Variants in MGAT4C observed in about 807,000 individuals in gnomAD.
The protein encoded by MGAT4C is alpha-1,3-mannosyl-glycoprotein 4-beta-N-acetylglucosaminyltransferase C.
A neutral mutation model predicts 40.1 loss-of-function variants in MGAT4C; 19 were observed. That is an observed-to-expected ratio of 0.47 (90% CI 0.33 to 0.70). The LOEUF is 0.70. MGAT4C is among the 30% of genes least tolerant of loss of function. The probability of loss-of-function intolerance (pLI) is 0.02; values close to 1 mark genes in which losing one functional copy is unlikely to be tolerated. For synonymous variants in MGAT4C, 181 were observed against 187.1 expected (o/e 0.97, Z 0.27); for missense variants, 491 against 563.2 (o/e 0.87, Z 1.30).
At chr12:86,441,719 G>A (rs1300184825) in intron 2 of MGAT4C, among the ~76,000 whole-genome samples, 1 of 151,918 alleles carries the variant, frequency 6.6e-6, no homozygotes, top group African/African-American at 2.4e-5. Flanking sequence ...GTGTATATGT[G>A]CCACATTTTC....
chr12:86,309,885 T>C (rs982298791), intron 4 of MGAT4C, among the ~76,000 whole-genome samples: 5 of 152,138 alleles, frequency 3.3e-5, no homozygotes, highest in Admixed American at 2.0e-4. Context: ...AAATAATTTA[T>C]CTCTCTTGCA....
chr12:86,768,373 C>A (rs1951556910), intron 1 of MGAT4C, among the ~76,000 whole-genome samples: 1 of 152,180 alleles, frequency 6.6e-6, no homozygotes, highest in East Asian at 1.9e-4. Flanking sequence ...AAAGAGGATA[C>A]AAACAAATGG....
At chr12:86,380,657 T>C (rs563190143) in intron 3 of MGAT4C, among the ~76,000 whole-genome samples, 1 of 152,260 alleles carries the variant, frequency 6.6e-6, no homozygotes, top group Non-Finnish European at 1.5e-5. Flanking sequence ...GTGTGTATCA[T>C]TTCATTTAGT....
At chr12:86,160,946 C>G (rs529531401) in intron 1 of MGAT4C, among the ~76,000 whole-genome samples, 1 of 152,086 alleles carries the variant, frequency 6.6e-6, no homozygotes, top group Admixed American at 6.6e-5. Flanking sequence ...TCTACTCTAA[C>G]TTTTAGCCTG....
intron 2 of MGAT4C, among the ~76,000 whole-genome samples, chr12:86,524,123 C>A (rs901473359): frequency 6.6e-6 from 1 of 152,144 alleles, no homozygotes; most frequent in Non-Finnish European, 1.5e-5. Flanking sequence ...GAATTTGATC[C>A]TGTCATCATG....
intron 2 of MGAT4C, among the ~76,000 whole-genome samples, chr12:86,517,989 G>A (rs1431134460): frequency 6.6e-6 from 1 of 152,072 alleles, no homozygotes; most frequent in Non-Finnish European, 1.5e-5. Flanking sequence ...TGGGGTAAAG[G>A]ATAGGGGTCC....
intron 1 of MGAT4C, among the ~76,000 whole-genome samples, chr12:86,134,009 T>G (rs61571841): frequency 0.05 from 7,654 of 152,124 alleles, 504 homozygotes; most frequent in East Asian, 0.28. Context: ...AAAGTTCAAA[T>G]GCTACGTTTG....
intron 4 of MGAT4C, among the ~76,000 whole-genome samples, chr12:86,296,389 G>A (rs1424120434): frequency 6.6e-6 from 1 of 152,186 alleles, no homozygotes; most frequent in African/African-American, 2.4e-5. Context: ...TGCCAGTCCC[G>A]TGCCATGCGC....
rs186320680 is a variant in MGAT4C, at chr12:86,378,488, G to A, written c.-119-44361C>T. Among the ~76,000 whole-genome samples, 137 of 152,198 alleles carry A rather than the reference G, an allele frequency of 9.0e-4. 1 individual carries two copies. Among genetic ancestry groups the A allele is most frequent in the East Asian group, 9.7e-4 (5 of 5,170 alleles). On this transcript the variant is annotated intron_variant, in intron 3 of 7. Coordinates refer to the MGAT4C transcript ENST00000548651. ...ACTTAAAGTTTGTAAATTCATATCC[G>A]TGAGTTTTAGATTTGGTGGAGGAAA...
chr12:86,623,862 C>T (rs1009774791), intron 2 of MGAT4C, among the ~76,000 whole-genome samples: 2 of 152,136 alleles, frequency 1.3e-5, no homozygotes, highest in Non-Finnish European at 2.9e-5. Context: ...CCATTTCTCC[C>T]CAGCTATGTG....
At chr12:86,522,100 C>G (rs1296681424) in intron 2 of MGAT4C, among the ~76,000 whole-genome samples, 1 of 152,110 alleles carries the variant, frequency 6.6e-6, no homozygotes, top group East Asian at 1.9e-4. Context: ...TTATCTCTTT[C>G]TGTTGCCTAA....
At chr12:86,652,292 A>C (rs1963718281) in intron 2 of MGAT4C, among the ~76,000 whole-genome samples, 1 of 151,908 alleles carries the variant, frequency 6.6e-6, no homozygotes, top group Non-Finnish European at 1.5e-5. Flanking sequence ...CATATTTTAC[A>C]CTTTGGACAC....
chr12:86,646,522 G>T (rs546991212), intron 2 of MGAT4C, among the ~76,000 whole-genome samples: 2 of 151,976 alleles, frequency 1.3e-5, no homozygotes, highest in African/African-American at 4.8e-5. Flanking sequence ...GTTCTCTAGA[G>T]AAAAGAAAAT....
At chr12:86,483,148 G>C (rs995477625) in intron 2 of MGAT4C, among the ~76,000 whole-genome samples, 6 of 152,266 alleles carry the variant, frequency 3.9e-5, no homozygotes, top group African/African-American at 1.4e-4. Context: ...CAGAAGGGGT[G>C]AAGGAGCTAT....
At chr12:86,161,887 G>A (rs537794203) in intron 1 of MGAT4C, among the ~76,000 whole-genome samples, 5 of 151,938 alleles carry the variant, frequency 3.3e-5, no homozygotes, top group South Asian at 2.1e-4. Flanking sequence ...GCCAACAAAC[G>A]CATGAAAAAA....
chr12:86,421,579 C>G (rs532085199), intron 3 of MGAT4C, among the ~76,000 whole-genome samples: 15 of 152,254 alleles, frequency 9.9e-5, no homozygotes, highest in African/African-American at 3.6e-4. Context: ...CAAGACTAGC[C>G]TTGCCAACTA....
intron 2 of MGAT4C, among the ~76,000 whole-genome samples, chr12:86,014,520 C>A (rs1888860386): frequency 6.6e-6 from 1 of 152,150 alleles, no homozygotes; most frequent in Non-Finnish European, 1.5e-5. Flanking sequence ...AAGAAACCGT[C>A]ATGGCAACAT....
rs59866388 is a variant in MGAT4C, at chr12:86,836,083, C to T, written c.-262+2583G>A. On this transcript the variant is annotated intron_variant, in intron 1 of 7. Coordinates refer to the MGAT4C transcript ENST00000548651. ...TAGTGCCATTATACATATAATGAGA[C>T]AGAGGTGTATAGAGATCAATTAAAC... Among the ~76,000 whole-genome samples the T allele has an allele frequency of 3.3e-3, 498 of 152,062 alleles. 1 individual carries two copies. Among genetic ancestry groups the T allele is most frequent in the African/African-American group, 0.011 (475 of 41,518 alleles).
intron 2 of MGAT4C, among the ~76,000 whole-genome samples, chr12:86,711,219 A>T (rs1400382444): frequency 6.6e-6 from 1 of 152,150 alleles, no homozygotes; most frequent in East Asian, 1.9e-4. Flanking sequence ...TAATACTAAT[A>T]ATTTATTGAC....
Sources: allele counts gnomAD v4.1 joint callset (sites outside exome capture counted in the v4.1 genomes callset), GRCh38; gene constraint gnomAD v4.1.1; transcripts MANE v1.5; gene names NCBI Gene and HGNC (gene_info 2026-07-23, HGNC 2026-07-21).